SPP1: variants seen among roughly 807,000 people sequenced by gnomAD.
SPP1 encodes secreted phosphoprotein 1.
A neutral mutation model predicts 20.8 loss-of-function variants in SPP1; 18 were observed. The observed-to-expected ratio is 0.87, with a 90% CI of 0.60 to 1.29. The LOEUF (loss-of-function observed/expected upper bound fraction) is 1.29. Ranked by LOEUF, SPP1 falls within the 50% of genes most tolerant of loss-of-function variation. The pLI is 0.00. For synonymous variants in SPP1, 146 were observed against 141.5 expected (o/e 1.03, Z -0.23); for missense variants, 363 against 389.0 (o/e 0.93, Z 0.56).
intron 4 of SPP1, 80 bp downstream of exon 4, chr4:87,980,206 C>A: frequency 1.3e-6 from 2 of 1,528,322 alleles, no homozygotes; most frequent in Non-Finnish European, 1.8e-6. Flanking sequence ...TCAGATGAAT[C>A]CTGCCTGCCT....
intron 5 of SPP1, chr4:87,980,635 T>C (rs1725602911): frequency 1.7e-6 from 1 of 579,178 alleles, no homozygotes; most frequent in South Asian, 2.4e-5. Context: ...TTACAGAAGA[T>C]GTTTATTAAT....
rs149251611 is a variant in SPP1, at chr4:87,978,030, T to G, written c.93+933T>G. 1.3e-5 allele frequency: 3 copies of G among 231,198 alleles called. No individual in the cohort carries two copies. In the Admixed American group the frequency reaches 1.9e-4, roughly 14 times the overall value. The allele number at this position is 231,198 out of a possible 1,614,324, so 14.3% of individuals were successfully genotyped here. ...TTAATAAACGAAAATATGGCAAAGA[T>G]GCATTTTAGAAGGCACGTGGAGCTA... On this transcript the variant is annotated intron_variant, in intron 3 of 6. Coordinates refer to ENST00000395080, the MANE Select transcript of SPP1 (RefSeq NM_001040058.2).
At position 87,982,600 on chromosome 4, in the gene SPP1, TG is replaced by T. The variant is rs764119477; in HGVS notation, c.652del (p.Asp218ThrfsTer43). The T allele has an allele frequency of 5.0e-6, 8 of 1,614,116 alleles. No individual in the cohort carries two copies. Among genetic ancestry groups the T allele is most frequent in the Non-Finnish European group, 1.7e-6 (2 of 1,180,026 alleles). On this transcript the variant is annotated frameshift_variant, in exon 7 of 7. Coordinates refer to ENST00000395080, the MANE Select transcript of SPP1 (RefSeq NM_001040058.2). LOFTEE classifies it low-confidence loss of function (END_TRUNC). ...VAQDLNAPSD[W>X]DSRGKDSYET... ...CCAGGACCTGAACGCGCCTTCTGATTGGGACAGCCGTGGGAAGGACAGTTAT... is the reference window on the plus strand; with the variant it reads ...CCAGGACCTGAACGCGCCTTCTGATTGGACAGCCGTGGGAAGGACAGTTAT...
intron 1 of SPP1, among the ~76,000 whole-genome samples, chr4:87,976,468 T>TA (rs1217444007): frequency 2.0e-5 from 3 of 152,218 alleles, no homozygotes; most frequent in African/African-American, 7.2e-5. Context: ...GAAAAATGGA[T>TA]AAAGCAAATT....
chr4:87,982,114 TA>T (rs1025926560), intron 6 of SPP1, among the ~76,000 whole-genome samples: 25 of 152,274 alleles, frequency 1.6e-4, no homozygotes, highest in African/African-American at 6.0e-4. Context: ...TGAAGTTAAA[TA>T]CCTAAGAGGA....
chr4:87,977,997 G>A, intron 3 of SPP1: 1 of 411,092 alleles, frequency 2.4e-6, no homozygotes, highest in South Asian at 7.3e-5. Context: ...GCAAGAATTA[G>A]CGTCTTTTTA....
In SPP1 at chr4:87,981,507, C is replaced by T. The variant is rs142399706; in HGVS notation, c.249C>T (p.Asp83=). ...TLPSKSNESH[D]HMDDMDDEDD... ...CAAGTAAGTCCAACGAAAGCCATGA[C>T]CACATGGATGATATGGATGATGAAG... Residue 83 remains aspartate (D), a synonymous_variant, in exon 6 of 7, where the codon GAC becomes GAT. Transcript: ENST00000395080. 111 of 1,614,042 alleles carry T rather than the reference C, an allele frequency of 6.9e-5. No homozygotes were observed. Among genetic ancestry groups the T allele is most frequent in the Middle Eastern group, 1.6e-4 (1 of 6,084 alleles).
chr4:87,979,950 A>C, intron 3 of SPP1, 96 bp from the exon 4 acceptor site: 1 of 1,240,470 alleles, frequency 8.1e-7, no homozygotes, highest in Non-Finnish European at 1.1e-6. Flanking sequence ...CCGGGTGACT[A>C]TATGCTTCCA....
intron 3 of SPP1, 90 bp downstream of exon 3, chr4:87,977,187 T>A: frequency 7.8e-7 from 1 of 1,281,256 alleles, no homozygotes; most frequent in Non-Finnish European, 1.1e-6. Context: ...ATATTACTTA[T>A]CTTCTCAGTC....
chr4:87,981,418 A>C (rs916173868), intron 5 of SPP1, 57 bp from the exon 6 acceptor site: 11 of 1,472,422 alleles, frequency 7.5e-6, no homozygotes, highest in Non-Finnish European at 3.7e-6. Flanking sequence ...TGTGCTATAA[A>C]GGCTAAGGGA....
At chr4:87,979,424 C>T (rs759772993) in intron 3 of SPP1, among the ~76,000 whole-genome samples, 58 of 151,966 alleles carry the variant, frequency 3.8e-4, no homozygotes, top group Middle Eastern at 3.4e-3. Context: ...CCGCCTGCCT[C>T]GGCCTCCCAA....
At position 87,982,788 on chromosome 4, in the gene SPP1, C is replaced by A. The variant is rs1462815946; in HGVS notation, c.837C>A (p.His279Gln). 1 of 1,614,172 alleles carries A rather than the reference C, an allele frequency of 6.2e-7. No homozygotes were observed. The highest frequency in any genetic ancestry group is 8.5e-7 in the Non-Finnish European group (1 of 1,180,030). ...GTGAATTCCACAGCCATGAATTTCA[C>A]AGCCATGAAGATATGCTGGTTGTAG... ...VSREFHSHEF[H>Q]SHEDMLVVDP... Residue 279 changes from histidine to glutamine, a missense_variant, in exon 7 of 7, where the codon CAC becomes CAA. By Grantham distance (24) the His-to-Gln change is conservative. Coordinates refer to ENST00000395080, the MANE Select transcript of SPP1 (RefSeq NM_001040058.2).
chr4:87,979,363 C>T (rs1725554285), intron 3 of SPP1, among the ~76,000 whole-genome samples: 2 of 151,444 alleles, frequency 1.3e-5, no homozygotes, highest in African/African-American at 4.9e-5. Flanking sequence ...TTAGTAGAAA[C>T]GGGGTTTCAC....
chr4:87,980,002 A>G, intron 3 of SPP1, 44 bp from the exon 4 acceptor site: 2 of 1,586,946 alleles, frequency 1.3e-6, no homozygotes, highest in Non-Finnish European at 1.7e-6. Context: ...ATTCATCCCT[A>G]CATTTCTTTT....
rs1725683991 is a variant in SPP1, at chr4:87,982,409, A to G, written c.541-83A>G. Reference sequence around the variant, plus strand: ...GACAATTTTTAGTATAAGATGACCTAAAAGCTAGAGAGTGGAAAAGGATTA... The same window carrying G: ...GACAATTTTTAGTATAAGATGACCTGAAAGCTAGAGAGTGGAAAAGGATTA... On this transcript the variant is annotated intron_variant, in intron 6 of 6. Transcript: ENST00000395080. The G allele has an allele frequency of 6.0e-6, 9 of 1,495,750 alleles. No homozygotes were observed. In the South Asian group the frequency reaches 8.1e-5, roughly 14 times the overall value. The allele number at this position is 1,495,750 out of a possible 1,614,324, so 92.7% of individuals were successfully genotyped here. A position where few individuals can be genotyped will look rare whatever the true frequency, so the allele number is the denominator to read the frequency against.
At position 87,982,668 on chromosome 4, in the gene SPP1, C is replaced by T. The variant is rs370759549; in HGVS notation, c.717C>T (p.Ser239=). ...QLDDQSAETH[S]HKQSRLYKRK... ...ATGACCAGAGTGCTGAAACCCACAG[C>T]CACAAGCAGTCCAGATTATATAAGC... is the stretch of plus-strand genomic sequence containing the variant. Residue 239 remains serine (S), a synonymous_variant, in exon 7 of 7, where the codon AGC becomes AGT. Coordinates refer to ENST00000395080, the MANE Select transcript of SPP1 (RefSeq NM_001040058.2). The T allele has an allele frequency of 5.1e-5, 83 of 1,613,930 alleles. No homozygotes were observed. In the African/African-American group the frequency reaches 6.7e-4, roughly 13 times the overall value.
At chr4:87,978,465 G>T (rs1340580992) in intron 3 of SPP1, among the ~76,000 whole-genome samples, 3 of 138,602 alleles carry the variant, frequency 2.2e-5, no homozygotes, top group African/African-American at 8.1e-5. Flanking sequence ...GTGTGATCTC[G>T]GCTCACTGCA....
At chr4:87,977,539 C>T (rs947670760) in intron 3 of SPP1, 3 of 442,132 alleles carry the variant, frequency 6.8e-6, no homozygotes, top group African/African-American at 6.3e-5. Context: ...GCTGAGAAGC[C>T]CATTGTGAAA....
chr4:87,977,028 G>C, intron 2 of SPP1, 31 bp from the exon 3 acceptor site: 1 of 1,613,870 alleles, frequency 6.2e-7, no homozygotes, highest in South Asian at 1.1e-5. Context: ...GGACATTCTT[G>C]TAATCTTTCT....
Sources: allele counts gnomAD v4.1 joint callset (sites outside exome capture counted in the v4.1 genomes callset), GRCh38; gene constraint gnomAD v4.1.1; transcripts MANE v1.5; gene names NCBI Gene and HGNC (gene_info 2026-07-23, HGNC 2026-07-21).